Variants in GRIA1 observed in about 807,000 individuals in gnomAD.
GRIA1 encodes the protein glutamate receptor 1.
A neutral mutation model predicts 99.2 loss-of-function variants in GRIA1; 31 were observed. The observed-to-expected ratio is 0.31, with a 90% confidence interval of 0.23 to 0.42. The LOEUF (loss-of-function observed/expected upper bound fraction) is 0.42, where lower values mean the gene tolerates loss of function less well. Ranked by LOEUF, GRIA1 falls within the 10% of genes least tolerant of loss-of-function variation. The pLI is 1.00. For synonymous variants in GRIA1, 438 were observed against 432.4 expected (o/e 1.01, Z -0.16); for missense variants, 782 against 1,157.5 (o/e 0.68, Z 4.71).
Position 153,794,711 on chromosome 5 carries a change from C to T in GRIA1, c.2361C>T (p.Cys787=), listed in dbSNP as rs755459632. The stretch of plus-strand genomic sequence containing the variant: ...AATGGTGGTACGACAAGGGCGAGTG[C>T]GGCAGCGGGGGAGGTGATTCCAAGG... ...KNKWWYDKGE[C]GSGGGDSKDK... is the part of the protein sequence containing the mutation. The change falls in exon 14 of 16, where the codon TGC becomes TGT. Residue 787 remains cysteine, a synonymous_variant. Transcript: ENST00000285900. 10 of 1,611,188 alleles carry T rather than the reference C, an allele frequency of 6.2e-6. No homozygotes were observed. Among genetic ancestry groups the T allele is most frequent in the Non-Finnish European group, 7.6e-6 (9 of 1,178,060 alleles).
At chr5:153,737,372 A>G (rs2149568696) in intron 11 of GRIA1, among the ~76,000 whole-genome samples, 1 of 151,606 alleles carries the variant, frequency 6.6e-6, no homozygotes, top group South Asian at 2.1e-4. Context: ...GATTACATAA[A>G]TTGGCCAAGA....
chr5:153,616,768 AG>A (rs1198168770), intron 2 of GRIA1, among the ~76,000 whole-genome samples: 2 of 152,216 alleles, frequency 1.3e-5, no homozygotes, highest in African/African-American at 4.8e-5. Context: ...ATCAGGGAAA[AG>A]GGACTTTGGA....
intron 2 of GRIA1, among the ~76,000 whole-genome samples, chr5:153,547,077 C>A (rs1262921046): frequency 1.3e-5 from 2 of 152,282 alleles, no homozygotes; most frequent in African/African-American, 2.4e-5. Context: ...CCAAGCTTAA[C>A]CCGTGGGCCT....
intron 13 of GRIA1, among the ~76,000 whole-genome samples, chr5:153,777,989 GC>G (rs1321109967): frequency 1.3e-5 from 2 of 152,162 alleles, no homozygotes; most frequent in Non-Finnish European, 2.9e-5. Context: ...CCCAGGTCGG[GC>G]CTGATCAGAG....
At chr5:153,490,351 A>G, upstream of GRIA1, 1 of 167,100 alleles carries the variant, frequency 6.0e-6, no homozygotes, top group Non-Finnish European at 1.3e-5. Flanking sequence ...AAGGCAGGGG[A>G]GGGTAAAGAG....
At chr5:153,600,594 G>C (rs1269339912) in intron 2 of GRIA1, among the ~76,000 whole-genome samples, 1 of 151,980 alleles carries the variant, frequency 6.6e-6, no homozygotes, top group Non-Finnish European at 1.5e-5. Context: ...CATAGAAAAT[G>C]GTGATCTCAA....
At chr5:153,658,238 G>C (rs926531252) in intron 5 of GRIA1, among the ~76,000 whole-genome samples, 2 of 152,046 alleles carry the variant, frequency 1.3e-5, no homozygotes, top group Non-Finnish European at 2.9e-5. Flanking sequence ...ACAGAACAAG[G>C]GTGGGGATAG....
At chr5:153,705,661 C>T (rs200782149) in intron 10 of GRIA1, 36 bp from the exon 11 acceptor site, 1 of 781,100 alleles carries the variant, frequency 1.3e-6, no homozygotes, top group Non-Finnish European at 1.8e-6. Flanking sequence ...AGCTCACCTG[C>T]ATTTTTTTTT....
chr5:153,738,902 A>G (rs1330996896), intron 11 of GRIA1, among the ~76,000 whole-genome samples: 1 of 151,710 alleles, frequency 6.6e-6, no homozygotes, highest in East Asian at 1.9e-4. Flanking sequence ...TTGTATTTTT[A>G]GTAGAGACGG....
chr5:153,631,224 T>C (rs1443709587), intron 2 of GRIA1, among the ~76,000 whole-genome samples: 1 of 152,236 alleles, frequency 6.6e-6, no homozygotes, highest in East Asian at 1.9e-4. Context: ...GATACAGTGT[T>C]GTCCCTTCAA....
Position 153,599,014 on chromosome 5 carries a change from T to G in GRIA1, c.221-47914T>G, listed in dbSNP as rs1475144235. On this transcript the variant is annotated intron_variant, in intron 2 of 15. Transcript: ENST00000285900. Reference sequence around the variant, plus strand: ...CTCCTGCCTCAGCCTCCCGAGCAGCTGGAACTGCAGGCGCCCGCCACCACG... The same window carrying G: ...CTCCTGCCTCAGCCTCCCGAGCAGCGGGAACTGCAGGCGCCCGCCACCACG... Among the ~76,000 whole-genome samples, 4 of 152,176 alleles carry G rather than the reference T, an allele frequency of 2.6e-5. No homozygotes were observed. In the East Asian group the frequency reaches 7.7e-4, roughly 29 times the overall value.
intron 2 of GRIA1, among the ~76,000 whole-genome samples, chr5:153,576,265 G>C (rs1156651010): frequency 6.6e-6 from 1 of 152,124 alleles, no homozygotes; most frequent in East Asian, 1.9e-4. Context: ...AGAGCTTAGA[G>C]AAAAGGAAAA....
chr5:153,630,758 G>A (rs1752896971), intron 2 of GRIA1, among the ~76,000 whole-genome samples: 1 of 152,198 alleles, frequency 6.6e-6, no homozygotes, highest in South Asian at 2.1e-4. Flanking sequence ...GAGGGTGGAG[G>A]AGAAGTAATC....
At chr5:153,545,133 A>C (rs1167334940) in intron 2 of GRIA1, among the ~76,000 whole-genome samples, 1 of 152,190 alleles carries the variant, frequency 6.6e-6, no homozygotes, top group Non-Finnish European at 1.5e-5. Flanking sequence ...CTTAATAGAA[A>C]CATTGAAAGA....
intron 2 of GRIA1, among the ~76,000 whole-genome samples, chr5:153,520,708 C>T (rs1757058310): frequency 6.6e-6 from 1 of 152,140 alleles, no homozygotes; most frequent in African/African-American, 2.4e-5. Flanking sequence ...ACCTATTCAA[C>T]CTTCTGCTTC....
intron 2 of GRIA1, among the ~76,000 whole-genome samples, chr5:153,603,540 A>T (rs942308623): frequency 6.6e-6 from 1 of 151,968 alleles, no homozygotes; most frequent in Non-Finnish European, 1.5e-5. Flanking sequence ...TTAAAAAAAA[A>T]CAGTTACCAG....
intron 2 of GRIA1, among the ~76,000 whole-genome samples, chr5:153,638,629 A>C (rs1032067571): frequency 3.3e-5 from 5 of 152,218 alleles, no homozygotes; most frequent in African/African-American, 1.2e-4. Context: ...ACTGTCCATG[A>C]AATGCTGACA....
At chr5:153,720,539 A>T (rs1288477482) in intron 11 of GRIA1, among the ~76,000 whole-genome samples, 1 of 152,238 alleles carries the variant, frequency 6.6e-6, no homozygotes, top group East Asian at 1.9e-4. Context: ...CAATGTAGTC[A>T]GTAGGACAGA....
intron 11 of GRIA1, among the ~76,000 whole-genome samples, chr5:153,746,098 G>T (rs1481366576): frequency 1.3e-5 from 2 of 152,208 alleles, no homozygotes; most frequent in Non-Finnish European, 2.9e-5. Context: ...CAAATGGCAG[G>T]GGGCAGGGGT....
Sources: allele counts gnomAD v4.1 joint callset (sites outside exome capture counted in the v4.1 genomes callset), GRCh38; gene constraint gnomAD v4.1.1; transcripts MANE v1.5; gene names NCBI Gene and HGNC (gene_info 2026-07-23, HGNC 2026-07-21).